Variants in SYNE1 observed in about 807,000 individuals in gnomAD.
The protein encoded by SYNE1 is nesprin-1.
Under a neutral mutation model 1,111.0 loss-of-function variants are expected in SYNE1, and 616 were observed. The ratio of observed to expected loss-of-function variants is 0.55; its 90% CI spans 0.52 to 0.59. SYNE1 has a LOEUF of 0.59. SYNE1 is among the 20% of genes least tolerant of loss of function. The pLI is 0.00. For synonymous variants in SYNE1, 3,855 were observed against 3,825.8 expected, an observed-to-expected ratio of 1.01 and a Z score of -0.28; for missense variants, 10,006 against 10,417.0, an observed-to-expected ratio of 0.96 and a Z score of 1.72.
chr6:152,541,383 G>T (rs1334693122), intron 3 of SYNE1, among the ~76,000 whole-genome samples: 1 of 152,106 alleles, frequency 6.6e-6, no homozygotes, highest in African/African-American at 2.4e-5. Context: ...TTTATTGTGT[G>T]TGTGTGACTA....
intron 5 of SYNE1, among the ~76,000 whole-genome samples, chr6:152,521,519 C>A (rs1385751876): frequency 6.6e-6 from 1 of 152,160 alleles, no homozygotes. Context: ...TTGATTTTGA[C>A]AGATACCTTA....
Position 152,430,286 on chromosome 6 carries a change from A to G in SYNE1, c.4690-76T>C, listed in dbSNP as rs1479731890. On this transcript the variant is annotated intron_variant, in intron 35 of 145. Transcript: ENST00000367255. ...GACAAAAAAAAAAGTTACTGAGAAA[A>G]TGGCATACCTACCTTTTATGGATAA... 30 of 1,295,626 alleles carry G rather than the reference A, an allele frequency of 2.3e-5. No homozygotes were observed. The Admixed American group carries it at 5.3e-4, about 23-fold the overall frequency. 80.3% of individuals were successfully genotyped at this position (1,295,626 alleles called of 1,614,324 possible).
Position 152,477,028 on chromosome 6 carries a change from C to A in SYNE1, c.1351-4615G>T, listed in dbSNP as rs2098838996. Among the ~76,000 whole-genome samples the A allele has an allele frequency of 2.0e-5, 3 of 152,068 alleles. No homozygotes were observed. The South Asian group carries it at 6.2e-4, about 32-fold the overall frequency. On this transcript the variant is annotated intron_variant, in intron 14 of 145. Coordinates refer to ENST00000367255, the MANE Select transcript of SYNE1 (RefSeq NM_182961.4). ...ATATACATAGGCACAGAAAACACCA[C>A]AAAATATATAAAACAATATTCTGAA...
Position 152,310,679 on chromosome 6 carries a change from T to C in SYNE1, c.16896+9A>G. The C allele has an allele frequency of 6.2e-7, 1 of 1,611,698 alleles. No individual in the cohort carries two copies. Among genetic ancestry groups the C allele is most frequent in the South Asian group, 1.1e-5 (1 of 90,576 alleles). ...TTTTTTTCTGTTTCTTTTTTTTTTC[T>C]TTTTTTACCTTAGCTGCATCTTGGA... On this transcript the variant is annotated intron_variant, in intron 88 of 145. Transcript: ENST00000367255.
intron 39 of SYNE1, among the ~76,000 whole-genome samples, chr6:152,424,427 C>T (rs927885066): frequency 3.9e-5 from 6 of 152,218 alleles, no homozygotes; most frequent in African/African-American, 1.4e-4. Flanking sequence ...CTTTGTTTTA[C>T]AGAAAATTGC....
In SYNE1 at chr6:152,181,874, G is replaced by T. The variant is rs537250621; in HGVS notation, c.23302-1580C>A. Among the ~76,000 whole-genome samples, 7 of 152,278 alleles carry T rather than the reference G, an allele frequency of 4.6e-5. 1 individual carries two copies. The South Asian group carries it at 1.4e-3, about 32-fold the overall frequency. On this transcript the variant is annotated intron_variant, in intron 128 of 145. Coordinates refer to ENST00000367255, the MANE Select transcript of SYNE1 (RefSeq NM_182961.4). ...CTATAGATTGTTTTCCAAAGTGGCT[G>T]CCCATTTCACATTCCCACCAGTAGT...
intron 128 of SYNE1, among the ~76,000 whole-genome samples, chr6:152,187,089 CT>C (rs1428679347): frequency 1.3e-5 from 2 of 152,180 alleles, no homozygotes; most frequent in African/African-American, 4.8e-5. Flanking sequence ...ATTGTGTTCA[CT>C]GAGAAAATGA....
chr6:152,510,219 T>G lies in SYNE1; in HGVS notation c.555A>C (p.Leu185Phe). Residue 185 changes from leucine to phenylalanine, a missense_variant, in exon 8 of 146, where the codon TTA becomes TTC. Leu to Phe is a conservative substitution (Grantham distance 22). Transcript: ENST00000367255. ...TGCCAGCTGTGTACTGAACCCACTTTAATAAAGCCTTCTTAGCATTTCCTT... is the reference window on the plus strand; with the variant it reads ...TGCCAGCTGTGTACTGAACCCACTTGAATAAAGCCTTCTTAGCATTTCCTT... ...KIQGNAKKAL[L>F]KWVQYTAGKQ... 1 of 1,614,080 alleles carries G rather than the reference T, an allele frequency of 6.2e-7. No homozygotes were observed. Among genetic ancestry groups the G allele is most frequent in the Middle Eastern group, 1.6e-4 (1 of 6,062 alleles).
At chr6:152,207,043 T>C (rs1016871801) in intron 125 of SYNE1, among the ~76,000 whole-genome samples, 1 of 152,152 alleles carries the variant, frequency 6.6e-6, no homozygotes, top group African/African-American at 2.4e-5. Context: ...GTGTTGGATA[T>C]ACTAAGATTA....
chr6:152,285,194 C>T (rs111311913), intron 95 of SYNE1, among the ~76,000 whole-genome samples: 30 of 147,008 alleles, frequency 2.0e-4, no homozygotes, highest in African/African-American at 7.0e-4. Context: ...GGGAATCACT[C>T]TTCACACCTT....
chr6:152,447,438 A>C lies in SYNE1; in HGVS notation c.3669+20T>G, dbSNP rs2098602584. 2.5e-6 allele frequency: 4 copies of C among 1,613,800 alleles called. No individual in the cohort carries two copies. The highest frequency in any genetic ancestry group is 1.3e-5 in the African/African-American group (1 of 74,924). On this transcript the variant is annotated intron_variant, in intron 29 of 145. Coordinates refer to ENST00000367255, the MANE Select transcript of SYNE1 (RefSeq NM_182961.4). The stretch of plus-strand genomic sequence containing the variant: ...GCCTCACTCAGAACTGTCTGTTTAG[A>C]GTGTGAGTAAATGCTGTACCTCTGA...
rs1220442998 is a variant in SYNE1 at position 152,325,418 on chromosome 6, C to T, written c.15439-116G>A. 4 of 968,722 alleles carry T rather than the reference C, an allele frequency of 4.1e-6. No individual in the cohort carries two copies. In the East Asian group the frequency reaches 7.5e-5, roughly 18 times the overall value. 60.0% of individuals were successfully genotyped at this position (968,722 alleles called of 1,614,324 possible). On this transcript the variant is annotated intron_variant, in intron 80 of 145. Transcript: ENST00000367255. ...ATTCCTGCAAAAGGAAATGTTTCTACATACGTTTATTCTCCTCTAGGTACT... is the reference window on the plus strand; with the variant it reads ...ATTCCTGCAAAAGGAAATGTTTCTATATACGTTTATTCTCCTCTAGGTACT...
At chr6:152,633,564 A>ATT (rs796941201) in intron 2 of SYNE1, among the ~76,000 whole-genome samples, 10 of 146,498 alleles carry the variant, frequency 6.8e-5, no homozygotes, top group African/African-American at 2.4e-4. Flanking sequence ...CATCTGCTGC[A>ATT]TTTTTTTTTT....
rs1356441442 is a variant in SYNE1, at chr6:152,463,452, A to G, written c.1998T>C (p.Phe666=). The part of the protein sequence containing the change: ...QHTAMNDAGN[F]LIETCDEMVS... ...CCATCTCATCACAGGTTTCAATTAG[A>G]AAATTGCCAGCATCGTTCATGGCAG... The change falls in exon 19 of 146, where the codon TTT becomes TTC. Residue 666 remains phenylalanine (F), a synonymous_variant. Transcript: ENST00000367255. The G allele has an allele frequency of 6.2e-7, 1 of 1,613,804 alleles. No individual in the cohort carries two copies. The highest frequency in any genetic ancestry group is 8.5e-7 in the Non-Finnish European group (1 of 1,179,782).
At chr6:152,435,673 C>A (rs2098467629) in intron 33 of SYNE1, 2 of 516,806 alleles carry the variant, frequency 3.9e-6, no homozygotes, top group Non-Finnish European at 6.8e-6. Context: ...TGTACAAAGG[C>A]CACAGAATAG....
At chr6:152,146,379 CAT>C (rs1439503144) in intron 137 of SYNE1, 2 of 152,162 alleles carry the variant, frequency 1.3e-5, no homozygotes, top group Admixed American at 6.6e-5. Context: ...GGGATTATAA[CAT>C]GTAATCAATA....
chr6:152,414,538 TG>T (rs1433756143), intron 41 of SYNE1, among the ~76,000 whole-genome samples: 2 of 152,160 alleles, frequency 1.3e-5, no homozygotes, highest in African/African-American at 4.8e-5. Context: ...AGATGGTGGC[TG>T]GGGGCAGGTG....
chr6:152,458,698 AC>A (rs2098712890), intron 22 of SYNE1, 58 bp downstream of exon 22: 1 of 1,569,370 alleles, frequency 6.4e-7, no homozygotes, highest in South Asian at 1.1e-5. Flanking sequence ...TGTAAGCAAC[AC>A]CCTGGTCTTG....
chr6:152,451,254 T>C lies in SYNE1; in HGVS notation c.3028-49A>G, dbSNP rs748486202. ...AAAATTAGGATGAAGTTCCTGATTA[T>C]GTACATTCCCAATTGAAGTGGCAAA... On this transcript the variant is annotated intron_variant, in intron 25 of 145. Coordinates refer to ENST00000367255, the MANE Select transcript of SYNE1 (RefSeq NM_182961.4). The C allele has an allele frequency of 4.9e-5, 79 of 1,596,052 alleles. No individual in the cohort carries two copies. In the Middle Eastern group the frequency reaches 5.1e-4, roughly 10 times the overall value.
Sources: allele counts gnomAD v4.1 joint callset (sites outside exome capture counted in the v4.1 genomes callset), GRCh38; gene constraint gnomAD v4.1.1; transcripts MANE v1.5; gene names NCBI Gene and HGNC (gene_info 2026-07-23, HGNC 2026-07-21).